The following IGF1R variants were observed in gnomAD, a reference collection of about 807,000 sequenced individuals.
The protein encoded by IGF1R is insulin-like growth factor 1 receptor.
In IGF1R, 44 loss-of-function variants were observed where a neutral mutation model predicts 144.6. The ratio of observed to expected loss-of-function variants is 0.30; its 90% CI spans 0.24 to 0.39. The LOEUF (loss-of-function observed/expected upper bound fraction) is 0.39. Ranked by LOEUF, IGF1R falls within the 10% of genes least tolerant of loss-of-function variation. The pLI is 1.00. For synonymous variants in IGF1R, 795 were observed against 722.8 expected (o/e 1.10, Z -1.60); for missense variants, 1,355 against 1,833.7 (o/e 0.74, Z 4.77).
chr15:98,760,361 A>AAATCCATTT (rs3076031), intron 2 of IGF1R, among the ~76,000 whole-genome samples: 2 of 152,008 alleles, frequency 1.3e-5, no homozygotes, highest in Non-Finnish European at 2.9e-5. Flanking sequence ...AAAAAAAAAA[A>AAATCCATTT]ATCCGTTTAC....
At chr15:98,881,030 C>T (rs958817426) in intron 2 of IGF1R, among the ~76,000 whole-genome samples, 1 of 152,166 alleles carries the variant, frequency 6.6e-6, no homozygotes, top group Non-Finnish European at 1.5e-5. Context: ...AGGCTGGAAA[C>T]TGCTTGCACA....
At chr15:98,792,127 TTTCCTAACACTTA>T (rs2056141746) in intron 2 of IGF1R, among the ~76,000 whole-genome samples, 2 of 152,234 alleles carry the variant, frequency 1.3e-5, no homozygotes, top group African/African-American at 4.8e-5. Flanking sequence ...TCAGAATAAC[TTTCCTAACACTTA>T]GGTTTCAGGT....
intron 2 of IGF1R, among the ~76,000 whole-genome samples, chr15:98,879,976 C>T (rs944065164): frequency 9.2e-5 from 14 of 152,064 alleles, no homozygotes; most frequent in African/African-American, 3.4e-4. Context: ...GGGAAAGGGG[C>T]GTGGGAAGCA....
At chr15:98,831,596 C>G (rs554340054) in intron 2 of IGF1R, among the ~76,000 whole-genome samples, 1 of 152,268 alleles carries the variant, frequency 6.6e-6, no homozygotes, top group South Asian at 2.1e-4. Context: ...AAGAGAAAAA[C>G]CTAACAAATT....
At chr15:98,844,447 T>C (rs566190092) in intron 2 of IGF1R, among the ~76,000 whole-genome samples, 11 of 152,278 alleles carry the variant, frequency 7.2e-5, no homozygotes, top group African/African-American at 1.2e-4. Context: ...CCAAAAAAAC[T>C]ATTTACGGTT....
chr15:98,752,531 A>G (rs956348667), intron 2 of IGF1R, among the ~76,000 whole-genome samples: 2 of 151,966 alleles, frequency 1.3e-5, no homozygotes, highest in African/African-American at 4.8e-5. Context: ...TACAAAAAAA[A>G]AGTTAGCTGG....
chr15:98,711,241 C>A (rs1248053213), intron 2 of IGF1R, among the ~76,000 whole-genome samples: 1 of 152,146 alleles, frequency 6.6e-6, no homozygotes, highest in South Asian at 2.1e-4. Context: ...GATGGCCATT[C>A]GAAAACATTA....
intron 2 of IGF1R, among the ~76,000 whole-genome samples, chr15:98,818,581 G>C (rs367559023): frequency 6.6e-5 from 10 of 152,102 alleles, no homozygotes; most frequent in African/African-American, 2.2e-4. Flanking sequence ...GGGAGTGGCA[G>C]GGCGGGGGGT....
chr15:98,664,289 T>G (rs1343141908), intron 1 of IGF1R, among the ~76,000 whole-genome samples: 1 of 152,154 alleles, frequency 6.6e-6, no homozygotes, highest in Admixed American at 6.5e-5. Context: ...GTTGGAGAAT[T>G]AGAAGTCTAC....
intron 20 of IGF1R, chr15:98,952,796 C>G (rs1297730955): frequency 6.6e-6 from 1 of 152,224 alleles, no homozygotes; most frequent in Non-Finnish European, 1.5e-5. Flanking sequence ...AGAGCGGTTA[C>G]TCTGACATTC....
chr15:98,765,307 CCTTTTTTT>C (rs761424642), intron 2 of IGF1R, among the ~76,000 whole-genome samples: 1 of 116,092 alleles, frequency 8.6e-6, no homozygotes, highest in East Asian at 2.6e-4. Context: ...CATGCCAACA[CCTTTTTTT>C]TTTTTTTTTT....
chr15:98,843,537 A>G (rs2011213883), intron 2 of IGF1R, among the ~76,000 whole-genome samples: 1 of 152,182 alleles, frequency 6.6e-6, no homozygotes, highest in Admixed American at 6.5e-5. Flanking sequence ...AGTTTTTAAA[A>G]TATTAAAAAA....
intron 2 of IGF1R, among the ~76,000 whole-genome samples, chr15:98,758,539 TCCGACA>T (rs1304339517): frequency 6.6e-6 from 1 of 152,222 alleles, no homozygotes; most frequent in Non-Finnish European, 1.5e-5. Flanking sequence ...CCCAGTCTCT[TCCGACA>T]ACATAAGGCT....
chr15:98,912,769 T>C (rs757683576), intron 7 of IGF1R, among the ~76,000 whole-genome samples: 1 of 152,162 alleles, frequency 6.6e-6, no homozygotes, highest in African/African-American at 2.4e-5. Context: ...GAGAGAAAAA[T>C]AGTTTTTGCA....
chr15:98,714,649 G>GGA (rs2054072613), intron 2 of IGF1R, among the ~76,000 whole-genome samples: 1 of 133,194 alleles, frequency 7.5e-6, no homozygotes, highest in African/African-American at 2.7e-5. Flanking sequence ...TCCTGTCTGA[G>GGA]AAAAAAAAAA....
intron 5 of IGF1R, among the ~76,000 whole-genome samples, chr15:98,904,800 G>A (rs1596421363): frequency 6.6e-6 from 1 of 152,222 alleles, no homozygotes; most frequent in South Asian, 2.1e-4. Context: ...TCCTACCTCT[G>A]TAGGCTGGAG....
intron 1 of IGF1R, among the ~76,000 whole-genome samples, chr15:98,671,809 C>T (rs982289168): frequency 4.6e-5 from 7 of 152,152 alleles, no homozygotes; most frequent in African/African-American, 1.2e-4. Flanking sequence ...ATCCCCATCC[C>T]AGAAGTTCTA....
intron 2 of IGF1R, among the ~76,000 whole-genome samples, chr15:98,816,931 C>T (rs1243302017): frequency 6.6e-6 from 1 of 152,158 alleles, no homozygotes; most frequent in Non-Finnish European, 1.5e-5. Context: ...AAGCCAGGTT[C>T]ATTCACTTAT....
intron 1 of IGF1R, among the ~76,000 whole-genome samples, chr15:98,676,385 C>G (rs975409283): frequency 6.6e-6 from 1 of 152,164 alleles, no homozygotes; most frequent in African/African-American, 2.4e-5. Context: ...ATCCGCCTGC[C>G]TCGACCTCCC....
Sources: allele counts gnomAD v4.1 joint callset (sites outside exome capture counted in the v4.1 genomes callset), GRCh38; gene constraint gnomAD v4.1.1; transcripts MANE v1.5; gene names NCBI Gene and HGNC (gene_info 2026-07-23, HGNC 2026-07-21).